PCED1B: variants seen among roughly 807,000 people sequenced by gnomAD.
PCED1B encodes PC-esterase domain-containing protein 1B.
For synonymous variants in PCED1B, 251 were observed against 246.1 expected (o/e 1.02, Z -0.19); for missense variants, 573 against 573.9 (o/e 1.00, Z 0.02).
At chr12:47,178,737 A>C (rs1257823427) in intron 2 of PCED1B, among the ~76,000 whole-genome samples, 3 of 151,594 alleles carry the variant, frequency 2.0e-5, no homozygotes, top group Non-Finnish European at 4.4e-5. Context: ...CATGGTGGTG[A>C]GCACCTGTAA....
chr12:47,102,938 A>G (rs886315790), intron 1 of PCED1B, among the ~76,000 whole-genome samples: 2 of 152,186 alleles, frequency 1.3e-5, no homozygotes, highest in African/African-American at 4.8e-5. Context: ...AATGGAAAAT[A>G]TTTGTGAAGC....
intron 3 of PCED1B, among the ~76,000 whole-genome samples, chr12:47,220,068 C>CAAAAAAAAA (rs763940625): frequency 3.9e-5 from 4 of 103,736 alleles, no homozygotes; most frequent in Admixed American, 1.1e-4. Context: ...GACACTGCCT[C>CAAAAAAAAA]AAAAAAAAAA....
chr12:47,182,178 G>T lies in PCED1B; in HGVS notation c.-525-34044G>T, dbSNP rs565948179. Among the ~76,000 whole-genome samples the T allele has an allele frequency of 1.6e-4, 24 of 152,286 alleles. 1 individual carries two copies. The South Asian group carries it at 4.8e-3, about 30-fold the overall frequency. On this transcript the variant is annotated intron_variant, in intron 2 of 3. Coordinates refer to ENST00000546455, the MANE Select transcript of PCED1B (RefSeq NM_138371.3). ...GCCTGGGAGATCCTTCTAGTGAGGG[G>T]GTGCTAGAGGAACCAAATGTATTTA...
At chr12:47,158,593 T>C (rs1050974386) in intron 2 of PCED1B, among the ~76,000 whole-genome samples, 7 of 152,308 alleles carry the variant, frequency 4.6e-5, no homozygotes, top group African/African-American at 1.7e-4. Context: ...TTTCTTCCAT[T>C]CTGTGGGTTG....
chr12:47,113,498 TC>T (rs533469111), intron 2 of PCED1B, among the ~76,000 whole-genome samples: 61 of 152,298 alleles, frequency 4.0e-4, no homozygotes, highest in Admixed American at 3.9e-3. Context: ...ACTGCATTGT[TC>T]CATACTGATG....
chr12:47,088,805 A>T (rs1047680543), intron 1 of PCED1B, among the ~76,000 whole-genome samples: 1 of 152,202 alleles, frequency 6.6e-6, no homozygotes, highest in African/African-American at 2.4e-5. Context: ...GATAGAAAAC[A>T]TGCTTAACAT....
At chr12:47,090,148 A>G (rs7956292) in intron 1 of PCED1B, among the ~76,000 whole-genome samples, 4,281 of 152,276 alleles carry the variant, frequency 0.028, 213 homozygotes, top group African/African-American at 0.097. Context: ...TCTATTAAAG[A>G]TGATCTCTCC....
chr12:47,229,450 C>G (rs559236339), intron 3 of PCED1B, among the ~76,000 whole-genome samples: 5 of 151,734 alleles, frequency 3.3e-5, no homozygotes, highest in African/African-American at 1.2e-4. Context: ...AAAAAACACT[C>G]AAAAGTGTTT....
chr12:47,135,958 A>C (rs1439329308), intron 2 of PCED1B: 1 of 183,240 alleles, frequency 5.5e-6, no homozygotes, highest in Non-Finnish European at 1.2e-5. Flanking sequence ...CCAAAAAAAA[A>C]AAAAGATTTT....
In PCED1B at chr12:47,235,069, C is replaced by T. The variant is rs1022815922; in HGVS notation, c.6C>T (p.Ile2=). The T allele has an allele frequency of 1.3e-6, 2 of 1,524,740 alleles. No individual in the cohort carries two copies. The highest frequency in any genetic ancestry group is 4.5e-5 in the East Asian group (2 of 44,130). 94.5% of individuals were successfully genotyped at this position (1,524,740 alleles called of 1,614,324 possible). Residue 2 remains isoleucine (I), a synonymous_variant, in exon 4 of 4, where the codon ATC becomes ATT. Transcript: ENST00000546455. ...GGCTGTGCGCCCTGGGCGTCATGAT[C>T]CTTCTGCGGGCCTCCGAAGTGCGGC... M[I]LLRASEVRQL... is the part of the protein sequence containing the mutation.
intron 1 of PCED1B, among the ~76,000 whole-genome samples, chr12:47,087,328 G>T (rs1049122543): frequency 6.6e-6 from 1 of 152,152 alleles, no homozygotes; most frequent in African/African-American, 2.4e-5. Context: ...TTCTAATGAG[G>T]GCCATGGGGC....
intron 2 of PCED1B, among the ~76,000 whole-genome samples, chr12:47,138,690 A>G (rs1281746007): frequency 6.6e-6 from 1 of 152,178 alleles, no homozygotes; most frequent in East Asian, 1.9e-4. Flanking sequence ...CTTAACTGCA[A>G]TTATTATCAA....
At chr12:47,197,760 C>A (rs1226377340) in intron 2 of PCED1B, among the ~76,000 whole-genome samples, 1 of 151,780 alleles carries the variant, frequency 6.6e-6, no homozygotes, top group Non-Finnish European at 1.5e-5. Context: ...GAATATTAGT[C>A]ACAACTCTAT....
chr12:47,222,566 G>GAC (rs1943516888), intron 3 of PCED1B, among the ~76,000 whole-genome samples: 1 of 152,130 alleles, frequency 6.6e-6, no homozygotes, highest in African/African-American at 2.4e-5. Flanking sequence ...AGACAGGTCT[G>GAC]GGCTAGAGAC....
At chr12:47,159,184 G>A (rs746133461) in intron 2 of PCED1B, among the ~76,000 whole-genome samples, 9 of 151,882 alleles carry the variant, frequency 5.9e-5, no homozygotes, top group Non-Finnish European at 1.3e-4. Flanking sequence ...TCTTGCTATT[G>A]TGAATACTGC....
chr12:47,233,605 G>A (rs1457956947), intron 3 of PCED1B, among the ~76,000 whole-genome samples: 2 of 152,192 alleles, frequency 1.3e-5, no homozygotes, highest in Admixed American at 6.5e-5. Context: ...TCATCTTGGT[G>A]TCCATTCCCT....
chr12:47,187,615 AG>A, intron 2 of PCED1B, among the ~76,000 whole-genome samples: 1 of 152,210 alleles, frequency 6.6e-6, no homozygotes, highest in Non-Finnish European at 1.5e-5. Flanking sequence ...AGCTAAAATT[AG>A]AACTAAACAT....
chr12:47,097,265 A>G (rs1462821369), intron 1 of PCED1B, among the ~76,000 whole-genome samples: 14 of 152,244 alleles, frequency 9.2e-5, no homozygotes, highest in Admixed American at 9.2e-4. Flanking sequence ...TGTAGAAAAT[A>G]CATCCCTCAA....
intron 2 of PCED1B, among the ~76,000 whole-genome samples, chr12:47,162,308 A>G (rs1941411951): frequency 6.6e-6 from 1 of 152,168 alleles, no homozygotes; most frequent in Non-Finnish European, 1.5e-5. Context: ...ACTTACAAGG[A>G]AATGAGGTGT....
Sources: gnomAD v4.1 joint callset for allele counts (sites outside exome capture counted in the v4.1 genomes callset) on GRCh38, gnomAD v4.1.1 for gene constraint, MANE v1.5 for transcripts, NCBI Gene and HGNC (gene_info 2026-07-23, HGNC 2026-07-21) for gene names.